Variants in ROBO2 observed in about 807,000 individuals in gnomAD.
ROBO2 encodes the protein roundabout homolog 2.
Under a neutral mutation model 160.8 loss-of-function variants are expected in ROBO2, and 53 were observed. That is an observed-to-expected ratio of 0.33 (90% CI 0.26 to 0.41). ROBO2 has a LOEUF of 0.41. Among genes scored for constraint, ROBO2 ranks in the 10% least tolerant of loss-of-function variants. ROBO2 has a pLI of 1.00. For synonymous variants in ROBO2, 664 were observed against 611.7 expected (o/e 1.09, Z -1.26); for missense variants, 1,577 against 1,722.4 (o/e 0.92, Z 1.49).
At chr3:76,310,395 G>C (rs1304424076) in intron 2 of ROBO2, among the ~76,000 whole-genome samples, 1 of 152,158 alleles carries the variant, frequency 6.6e-6, no homozygotes, top group Admixed American at 6.5e-5. Context: ...TGATATTCAT[G>C]GTGGGTTCAT....
intron 2 of ROBO2, among the ~76,000 whole-genome samples, chr3:76,932,120 C>G (rs2077384834): frequency 6.6e-6 from 1 of 151,786 alleles, no homozygotes; most frequent in Non-Finnish European, 1.5e-5. Flanking sequence ...CAAACATAGA[C>G]TACCAAAAAA....
At chr3:76,170,082 C>T (rs931056575) in intron 2 of ROBO2, among the ~76,000 whole-genome samples, 3 of 152,036 alleles carry the variant, frequency 2.0e-5, no homozygotes, top group African/African-American at 4.8e-5. Flanking sequence ...GCCTGGCCAT[C>T]GTTAAGGATT....
At chr3:76,633,949 C>A (rs559614931) in intron 2 of ROBO2, among the ~76,000 whole-genome samples, 1 of 152,178 alleles carries the variant, frequency 6.6e-6, no homozygotes, top group South Asian at 2.1e-4. Context: ...ACAATTGATG[C>A]ATTTGTGTGC....
chr3:77,399,458 C>CAGCTTCAGCCACTGAATCAAGATGTGAA (rs2075597170), intron 2 of ROBO2, among the ~76,000 whole-genome samples: 1 of 152,140 alleles, frequency 6.6e-6, no homozygotes, highest in Non-Finnish European at 1.5e-5. Context: ...CAATTCAGTA[C>CAGCTTCAGCCACTGAATCAAGATGTGAA]AGCTTCAGCC....
chr3:76,448,915 G>A (rs182229031), intron 2 of ROBO2, among the ~76,000 whole-genome samples: 1 of 152,214 alleles, frequency 6.6e-6, no homozygotes, highest in Non-Finnish European at 1.5e-5. Context: ...TATTCATTAT[G>A]AACAAGCTGG....
intron 2 of ROBO2, among the ~76,000 whole-genome samples, chr3:76,278,430 G>A (rs971549807): frequency 6.6e-6 from 1 of 151,894 alleles, no homozygotes; most frequent in Non-Finnish European, 1.5e-5. Context: ...ACTTATATTT[G>A]TATAAACCAT....
chr3:76,606,909 TATGCTCA>T (rs1441777507), intron 2 of ROBO2, among the ~76,000 whole-genome samples: 1 of 152,176 alleles, frequency 6.6e-6, no homozygotes, highest in Non-Finnish European at 1.5e-5. Context: ...AGTTCTTATA[TATGCTCA>T]ATATAAATAT....
In ROBO2 at chr3:76,900,890, TCA is replaced by T. The variant is rs1241267115; in HGVS notation, c.110-197121_110-197120del. ...ATCTGGTGTTTTACAGCAGCTCTGC[TCA>T]CAGTTACTCTTAAAGGAAAATAGAA... On this transcript the variant is annotated intron_variant, in intron 2 of 26. Coordinates refer to the ROBO2 transcript ENST00000487694. Among the ~76,000 whole-genome samples the T allele has an allele frequency of 5.9e-5, 9 of 152,316 alleles. No homozygotes were observed. In the South Asian group the frequency reaches 8.3e-4, roughly 14 times the overall value.
intron 2 of ROBO2, among the ~76,000 whole-genome samples, chr3:76,656,588 C>T (rs768415993): frequency 6.6e-6 from 1 of 152,028 alleles, no homozygotes; most frequent in African/African-American, 2.4e-5. Context: ...GAGCTGTCTA[C>T]TTTATGGGCA....
At chr3:76,097,273 C>T (rs1279318236) in intron 2 of ROBO2, among the ~76,000 whole-genome samples, 3 of 152,120 alleles carry the variant, frequency 2.0e-5, no homozygotes, top group Admixed American at 6.6e-5. Context: ...GCCTATTTGT[C>T]AGGATGGCCC....
At chr3:77,137,602 C>T (rs562011858) in intron 2 of ROBO2, among the ~76,000 whole-genome samples, 1 of 152,298 alleles carries the variant, frequency 6.6e-6, no homozygotes, top group South Asian at 2.1e-4. Context: ...AAATAACAAA[C>T]AAAATGATGA....
intron 1 of ROBO2, among the ~76,000 whole-genome samples, chr3:75,923,286 T>C (rs1283492997): frequency 1.3e-5 from 2 of 152,224 alleles, no homozygotes. Context: ...ATAGATGAGA[T>C]GAACTTGCTT....
rs1702265630 is a variant in ROBO2, at chr3:76,196,457, G to C, written c.109+258855G>C. ...AATTCCTACAGGAACATTTCTGTTTGGATTGCTTTTAGTTATTATTGATCC... is the reference window on the plus strand; with the variant it reads ...AATTCCTACAGGAACATTTCTGTTTCGATTGCTTTTAGTTATTATTGATCC... On this transcript the variant is annotated intron_variant, in intron 2 of 26. Coordinates refer to the ROBO2 transcript ENST00000487694. 2.6e-5 allele frequency among the ~76,000 whole-genome samples: 4 copies of C among 152,098 alleles called. No homozygotes were observed. The South Asian group carries it at 8.3e-4, about 32-fold the overall frequency.
At chr3:76,330,136 A>G (rs181665154) in intron 2 of ROBO2, among the ~76,000 whole-genome samples, 252 of 152,330 alleles carry the variant, frequency 1.7e-3, no homozygotes, top group Non-Finnish European at 3.0e-3. Context: ...CAGAAACCAA[A>G]TAAAGTAGGT....
chr3:77,550,250 T>C (rs996767746), intron 7 of ROBO2, among the ~76,000 whole-genome samples: 21 of 152,084 alleles, frequency 1.4e-4, no homozygotes, highest in African/African-American at 5.1e-4. Context: ...AGCATTTGTT[T>C]ATAACCCCAT....
chr3:76,198,887 A>G (rs1475230412), intron 2 of ROBO2, among the ~76,000 whole-genome samples: 2 of 152,072 alleles, frequency 1.3e-5, no homozygotes, highest in African/African-American at 4.8e-5. Flanking sequence ...ACCAATGTAC[A>G]CCTTGCATGT....
intron 6 of ROBO2, among the ~76,000 whole-genome samples, chr3:77,535,515 T>G (rs1010127370): frequency 1.3e-5 from 2 of 152,202 alleles, no homozygotes; most frequent in African/African-American, 2.4e-5. Flanking sequence ...TAAACTAGTC[T>G]TCTTCTGCTG....
At chr3:76,004,814 T>C (rs923676902) in intron 2 of ROBO2, among the ~76,000 whole-genome samples, 2 of 152,216 alleles carry the variant, frequency 1.3e-5, no homozygotes, top group Non-Finnish European at 2.9e-5. Context: ...AAGTGGTTGT[T>C]ACACTACTGT....
chr3:77,445,825 T>C (rs1256659755), intron 2 of ROBO2, among the ~76,000 whole-genome samples: 3 of 149,566 alleles, frequency 2.0e-5, no homozygotes, highest in Non-Finnish European at 4.4e-5. Context: ...AATTTTAGTA[T>C]AGCAAGGATA....
Sources: allele counts gnomAD v4.1 joint callset (sites outside exome capture counted in the v4.1 genomes callset), GRCh38; gene constraint gnomAD v4.1.1; transcripts MANE v1.5; gene names NCBI Gene and HGNC (gene_info 2026-07-23, HGNC 2026-07-21).